The following ANO2 variants were observed in gnomAD, a reference collection of about 807,000 sequenced individuals.
ANO2 encodes the protein anoctamin-2.
ANO2 carries 101 observed loss-of-function variants against 124.2 expected under a neutral mutation model. The ratio of observed to expected loss-of-function variants is 0.81; its 90% CI spans 0.69 to 0.96. ANO2 has a LOEUF of 0.96. Among genes scored for constraint, ANO2 ranks in the 40% least tolerant of loss-of-function variants. The pLI, the probability that ANO2 is intolerant of heterozygous loss-of-function variation, is 0.00. For missense variants in ANO2, 1,293 were observed against 1,274.5 expected, an observed-to-expected ratio of 1.01 and a Z score of -0.22; for synonymous variants, 486 against 482.5, an observed-to-expected ratio of 1.01 and a Z score of -0.09.
chr12:5,941,194 C>T (rs917862260), intron 1 of ANO2, among the ~76,000 whole-genome samples: 11 of 152,164 alleles, frequency 7.2e-5, no homozygotes, highest in Non-Finnish European at 1.5e-5. Flanking sequence ...GGTTGAACAA[C>T]TCTGTGAATA....
At chr12:5,906,506 TA>T (rs1158875217) in intron 3 of ANO2, among the ~76,000 whole-genome samples, 1 of 151,810 alleles carries the variant, frequency 6.6e-6, no homozygotes, top group Non-Finnish European at 1.5e-5. Context: ...TTTTCAAAAA[TA>T]AAATAAAGGC....
chr12:5,563,171 C>G lies in ANO2; in HGVS notation c.*128G>C. On this transcript the variant is annotated 3_prime_UTR_variant, in exon 25 of 25. Coordinates refer to ENST00000682330, the MANE Select transcript of ANO2 (RefSeq NM_001364791.2). ...CAGGCTCTTTCTTTTTACACACTGC[C>G]CCCTCTTCAAGACCCCATCAAGCCA... The G allele has an allele frequency of 8.1e-7, 1 of 1,232,918 alleles. No homozygotes were observed. The allele number at this position is 1,232,918 out of a possible 1,614,324, so 76.4% of individuals were successfully genotyped here. A position where few individuals can be genotyped will look rare whatever the true frequency, so the allele number is the denominator to read the frequency against.
At chr12:5,770,443 T>C (rs1952042703) in intron 10 of ANO2, among the ~76,000 whole-genome samples, 1 of 152,104 alleles carries the variant, frequency 6.6e-6, no homozygotes, top group African/African-American at 2.4e-5. Context: ...TCCCCAGTCT[T>C]TCATATTTCA....
chr12:5,842,593 A>AGGGTG (rs1349829967), intron 4 of ANO2, among the ~76,000 whole-genome samples: 2 of 152,048 alleles, frequency 1.3e-5, no homozygotes, highest in Admixed American at 6.5e-5. Flanking sequence ...GGTGTGCATG[A>AGGGTG]CTCACTCTTT....
At chr12:5,895,828 C>A (rs1939745216) in intron 3 of ANO2, among the ~76,000 whole-genome samples, 2 of 152,024 alleles carry the variant, frequency 1.3e-5, no homozygotes. Flanking sequence ...GAAAAACACA[C>A]ACGCATGCAT....
intron 13 of ANO2, among the ~76,000 whole-genome samples, chr12:5,738,478 C>T (rs1179972483): frequency 6.6e-6 from 1 of 152,196 alleles, no homozygotes; most frequent in African/African-American, 2.4e-5. Context: ...ACGATATCCA[C>T]ACTATTGAGA....
intron 10 of ANO2, among the ~76,000 whole-genome samples, chr12:5,779,364 A>T (rs1156449620): frequency 6.6e-6 from 1 of 152,200 alleles, no homozygotes; most frequent in Non-Finnish European, 1.5e-5. Flanking sequence ...TTCTCAATTT[A>T]AATAATCTAA....
intron 14 of ANO2, among the ~76,000 whole-genome samples, chr12:5,685,294 G>A (rs1017867092): frequency 6.6e-6 from 1 of 152,184 alleles, no homozygotes; most frequent in South Asian, 2.1e-4. Context: ...CTAGGGAAGT[G>A]GGGGCTTACA....
At chr12:5,624,630 G>A (rs1238927720) in intron 16 of ANO2, among the ~76,000 whole-genome samples, 2 of 151,962 alleles carry the variant, frequency 1.3e-5, no homozygotes, top group East Asian at 1.9e-4. Context: ...TTTCTCATTC[G>A]ACAAATATCT....
chr12:5,733,277 G>C (rs1196919542), intron 13 of ANO2: 1 of 302,588 alleles, frequency 3.3e-6, no homozygotes, highest in South Asian at 3.8e-5. Context: ...GGGCCATTCA[G>C]CAACACAAAC....
chr12:5,788,547 A>T (rs1952603874), intron 10 of ANO2, among the ~76,000 whole-genome samples: 1 of 152,028 alleles, frequency 6.6e-6, no homozygotes, highest in Non-Finnish European at 1.5e-5. Context: ...ACTGAATTAT[A>T]TGTTTGTCTT....
intron 20 of ANO2, among the ~76,000 whole-genome samples, chr12:5,585,273 T>G (rs924740373): frequency 2.0e-5 from 3 of 152,036 alleles, no homozygotes; most frequent in Admixed American, 1.3e-4. Flanking sequence ...AAGGACAATA[T>G]GTGGAATTCC....
intron 14 of ANO2, among the ~76,000 whole-genome samples, chr12:5,690,153 G>A (rs1287956861): frequency 6.6e-6 from 1 of 152,078 alleles, no homozygotes. Flanking sequence ...CCTAATACAG[G>A]CATTCTCAAC....
chr12:5,768,676 A>C (rs559861282), intron 10 of ANO2, among the ~76,000 whole-genome samples: 3 of 152,048 alleles, frequency 2.0e-5, no homozygotes, highest in African/African-American at 7.2e-5. Context: ...CAGCCTGGCC[A>C]CCGAGGGACT....
chr12:5,723,796 C>T (rs1336318954), intron 14 of ANO2, among the ~76,000 whole-genome samples: 2 of 152,192 alleles, frequency 1.3e-5, no homozygotes, highest in Admixed American at 1.3e-4. Context: ...CAGGGAGCTA[C>T]ATGTCCCCTG....
chr12:5,704,695 GTA>G (rs1482964033), intron 14 of ANO2, among the ~76,000 whole-genome samples: 5 of 129,526 alleles, frequency 3.9e-5, no homozygotes, highest in Admixed American at 2.3e-4. Context: ...CTTGGTGTGT[GTA>G]TGTGTGTGTG....
Position 5,604,282 on chromosome 12 carries a change from T to TAAG in ANO2, c.2088-4654_2088-4653insCTT, listed in dbSNP as rs1193342340. 1.5e-4 allele frequency among the ~76,000 whole-genome samples: 23 copies of TAAG among 149,376 alleles called. No homozygotes were observed. In the South Asian group the frequency reaches 3.8e-3, roughly 25 times the overall value. ...ACGTAAGAGGCAGTTTTGATGAGGA[T>TAAG]GAGGAGGAGGAGGAGGAGGAGTTGT... is the stretch of plus-strand genomic sequence containing the variant. On this transcript the variant is annotated intron_variant, in intron 19 of 24. Transcript: ENST00000682330.
chr12:5,722,442 A>G (rs1950268991), intron 14 of ANO2, among the ~76,000 whole-genome samples: 2 of 152,238 alleles, frequency 1.3e-5, no homozygotes, highest in East Asian at 1.9e-4. Context: ...GGGAGGCAGA[A>G]CTTGCAGTGA....
chr12:5,632,443 T>A (rs1945770230), intron 16 of ANO2, among the ~76,000 whole-genome samples: 2 of 152,026 alleles, frequency 1.3e-5, no homozygotes, highest in African/African-American at 4.8e-5. Context: ...TTATTTTAAG[T>A]TTAAAAATAC....
Sources: gnomAD v4.1 joint callset for allele counts (sites outside exome capture counted in the v4.1 genomes callset) on GRCh38, gnomAD v4.1.1 for gene constraint, MANE v1.5 for transcripts, NCBI Gene and HGNC (gene_info 2026-07-23, HGNC 2026-07-21) for gene names.